The following NRCAM variants were observed in gnomAD, a reference collection of about 807,000 sequenced individuals.
NRCAM encodes neuronal cell adhesion molecule.
Under a neutral mutation model 156.5 loss-of-function variants are expected in NRCAM, and 83 were observed. That is an observed-to-expected ratio of 0.53 (90% confidence interval 0.44 to 0.64). The LOEUF is 0.64. Ranked by LOEUF, NRCAM falls within the 30% of genes least tolerant of loss-of-function variation. The probability of loss-of-function intolerance (pLI) is 0.00; values close to 1 mark genes in which losing one functional copy is unlikely to be tolerated. For missense variants in NRCAM, 1,417 were observed against 1,597.3 expected, an observed-to-expected ratio of 0.89 and a Z score of 1.92; for synonymous variants, 538 against 563.9, an observed-to-expected ratio of 0.95 and a Z score of 0.65.
intron 3 of NRCAM, among the ~76,000 whole-genome samples, chr7:108,293,212 G>A (rs2098359272): frequency 6.6e-6 from 1 of 152,162 alleles, no homozygotes; most frequent in African/African-American, 2.4e-5. Context: ...TAGCTCATAG[G>A]CCTGACCCCA....
chr7:108,261,895 CTGGAGTCAG>C (rs1294318685), intron 3 of NRCAM, among the ~76,000 whole-genome samples: 1 of 152,144 alleles, frequency 6.6e-6, no homozygotes, highest in Non-Finnish European at 1.5e-5. Flanking sequence ...CAGTGAAGAT[CTGGAGTCAG>C]TGGATAAAAG....
intron 2 of NRCAM, among the ~76,000 whole-genome samples, chr7:108,382,609 T>TA (rs2099706634): frequency 6.6e-6 from 1 of 151,660 alleles, no homozygotes; most frequent in African/African-American, 2.4e-5. Flanking sequence ...ACTCCATCTC[T>TA]AAAAAAGGAA....
At chr7:108,340,920 T>C (rs1208551326) in intron 2 of NRCAM, among the ~76,000 whole-genome samples, 1 of 152,106 alleles carries the variant, frequency 6.6e-6, no homozygotes. Flanking sequence ...TGGTTTTTCA[T>C]AATAGAGATA....
At position 108,453,669 on chromosome 7, in the gene NRCAM, T is replaced by C. The variant is rs78115191; in HGVS notation, c.-332+2574A>G. Among the ~76,000 whole-genome samples, 4 of 152,324 alleles carry C rather than the reference T, an allele frequency of 2.6e-5. No individual in the cohort carries two copies. The East Asian group carries it at 5.8e-4, about 22-fold the overall frequency. ...TGTAAAATGTTTAGCAACTTTCCTG[T>C]AATAAAGTAAAAAGAAGGTTGAAAC... On this transcript the variant is annotated intron_variant, in intron 1 of 32. Transcript: ENST00000379028.
At chr7:108,276,065 G>A (rs373912581) in intron 3 of NRCAM, among the ~76,000 whole-genome samples, 20 of 152,250 alleles carry the variant, frequency 1.3e-4, no homozygotes, top group South Asian at 8.3e-4. Flanking sequence ...TCTTAATCCC[G>A]AGTTCTAATT....
rs77343334 is a variant in NRCAM, at chr7:108,198,734, T to C, written c.1208-635A>G. ...AAATACATAAACACTACGGGGCTAATAACCAAATGTGAAAATATTTAATTT... is the reference window on the plus strand; with the variant it reads ...AAATACATAAACACTACGGGGCTAACAACCAAATGTGAAAATATTTAATTT... On this transcript the variant is annotated intron_variant, in intron 13 of 32. Coordinates refer to ENST00000379028, the MANE Select transcript of NRCAM (RefSeq NM_001037132.4). 3.7e-3 allele frequency among the ~76,000 whole-genome samples: 568 copies of C among 152,356 alleles called. 4 individuals are homozygous for C. The highest frequency in any genetic ancestry group is 0.013 in the African/African-American group (547 of 41,588).
chr7:108,316,040 G>C lies in NRCAM; in HGVS notation c.-173-3309C>G, dbSNP rs116571682. ...CCATGGTACACAGTTGCTATGGTTT[G>C]AATGTGCTTCACAAAGTTCATATGT... On this transcript the variant is annotated intron_variant, in intron 2 of 32. Coordinates refer to ENST00000379028, the MANE Select transcript of NRCAM (RefSeq NM_001037132.4). 5.7e-3 allele frequency among the ~76,000 whole-genome samples: 871 copies of C among 152,322 alleles called. 8 individuals carry two copies. The highest frequency in any genetic ancestry group is 0.02 in the African/African-American group (812 of 41,556).
chr7:108,163,180 C>A (rs1428163267), intron 30 of NRCAM, among the ~76,000 whole-genome samples: 1 of 152,094 alleles, frequency 6.6e-6, no homozygotes, highest in African/African-American at 2.4e-5. Context: ...AAATTATATT[C>A]ATGTATTATT....
At chr7:108,426,596 G>C (rs1028164607) in intron 1 of NRCAM, among the ~76,000 whole-genome samples, 2 of 152,168 alleles carry the variant, frequency 1.3e-5, no homozygotes, top group Non-Finnish European at 2.9e-5. Flanking sequence ...CAGCTACATT[G>C]ATCAGAGAAG....
At chr7:108,366,952 A>AC (rs2099595389) in intron 2 of NRCAM, among the ~76,000 whole-genome samples, 3 of 152,210 alleles carry the variant, frequency 2.0e-5, no homozygotes, top group Admixed American at 2.0e-4. Flanking sequence ...TTATTTTCGT[A>AC]CCCCAGAGCA....
chr7:108,191,665 CTTATT>C, intron 18 of NRCAM, 59 bp downstream of exon 18: 1 of 1,499,370 alleles, frequency 6.7e-7, no homozygotes, highest in Non-Finnish European at 9.0e-7. Flanking sequence ...TAATTTTTAT[CTTATT>C]TTTTCTTTTC....
intron 2 of NRCAM, among the ~76,000 whole-genome samples, chr7:108,396,154 T>C (rs933963430): frequency 1.2e-4 from 18 of 152,036 alleles, no homozygotes; most frequent in African/African-American, 4.3e-4. Flanking sequence ...CGAATATGAG[T>C]GAGACAGAAA....
intron 2 of NRCAM, among the ~76,000 whole-genome samples, chr7:108,334,704 T>A (rs187852212): frequency 2.2e-3 from 341 of 152,300 alleles, no homozygotes; most frequent in Middle Eastern, 3.4e-3. Context: ...CATGGCCCAC[T>A]GGACAGCGTG....
intron 3 of NRCAM, among the ~76,000 whole-genome samples, chr7:108,244,330 C>T (rs1052349659): frequency 3.3e-5 from 5 of 152,084 alleles, no homozygotes; most frequent in Non-Finnish European, 7.4e-5. Context: ...TGCTCTGATG[C>T]CTCATCAGTG....
At chr7:108,257,655 A>AT (rs1490751687) in intron 3 of NRCAM, among the ~76,000 whole-genome samples, 1 of 152,188 alleles carries the variant, frequency 6.6e-6, no homozygotes, top group Non-Finnish European at 1.5e-5. Flanking sequence ...TACATTTGTC[A>AT]TTTTCATGAA....
At chr7:108,209,318 T>TA in intron 12 of NRCAM, 103 bp downstream of exon 12, 1 of 784,800 alleles carries the variant, frequency 1.3e-6, no homozygotes, top group Non-Finnish European at 2.0e-6. Flanking sequence ...AATGTTGACA[T>TA]AACTTTACAT....
chr7:108,294,816 T>C (rs879509686), intron 3 of NRCAM, among the ~76,000 whole-genome samples: 6 of 152,282 alleles, frequency 3.9e-5, no homozygotes, highest in Middle Eastern at 3.4e-3. Flanking sequence ...TTCCCCTTTT[T>C]TGGACATGCT....
chr7:108,298,354 CA>C (rs202066428), intron 3 of NRCAM, among the ~76,000 whole-genome samples: 2 of 151,544 alleles, frequency 1.3e-5, no homozygotes, highest in African/African-American at 4.9e-5. Flanking sequence ...CCCTCCCCGC[CA>C]AAAAAACCCG....
chr7:108,321,964 G>A (rs961967899), intron 2 of NRCAM, among the ~76,000 whole-genome samples: 8 of 152,182 alleles, frequency 5.3e-5, no homozygotes, highest in African/African-American at 1.9e-4. Context: ...GCAGATTCAG[G>A]AACAGTGAAG....
Sources: allele counts gnomAD v4.1 joint callset (sites outside exome capture counted in the v4.1 genomes callset), GRCh38; gene constraint gnomAD v4.1.1; transcripts MANE v1.5; gene names NCBI Gene and HGNC (gene_info 2026-07-23, HGNC 2026-07-21).